Variants in RNF135 observed in about 807,000 individuals in gnomAD.
RNF135 encodes ring finger protein 135, also known as E3 ubiquitin-protein ligase RNF135.
A neutral mutation model predicts 41.9 loss-of-function variants in RNF135; 46 were observed. The ratio of observed to expected loss-of-function variants is 1.10; its 90% CI spans 0.87 to 1.40. RNF135 has a LOEUF of 1.40. Among genes scored for constraint, RNF135 ranks in the 40% most tolerant of loss-of-function variants. The pLI is 0.00. For missense variants in RNF135, 539 were observed against 549.8 expected, an observed-to-expected ratio of 0.98 and a Z score of 0.20; for synonymous variants, 238 against 223.8, an observed-to-expected ratio of 1.06 and a Z score of -0.57.
At chr17:30,970,108 AT>A (rs1363291944), upstream of RNF135, 1 of 151,810 alleles carries the variant, frequency 6.6e-6, no homozygotes, top group Non-Finnish European at 1.5e-5. Context: ...TTGTTAGTTC[AT>A]TTCAACAGAT....
At chr17:30,983,353 A>ATTTTTTTTTTT (rs1192298651) in intron 1 of RNF135, among the ~76,000 whole-genome samples, 4 of 35,746 alleles carry the variant, frequency 1.1e-4, no homozygotes, top group Non-Finnish European at 1.6e-4. Flanking sequence ...ATATATATAT[A>ATTTTTTTTTTT]TTTTTTTTTT....
chr17:30,983,337 ATATATATATATATATATTT>A (rs1213678174), intron 1 of RNF135, among the ~76,000 whole-genome samples: 6 of 25,694 alleles, frequency 2.3e-4, no homozygotes, highest in East Asian at 1.7e-3. Flanking sequence ...ATATATATAT[ATATATATATATATATATTT>A]TTTTTTTTTT....
At position 30,971,665 on chromosome 17, in the gene RNF135, C is replaced by T. The variant is rs1012470090; in HGVS notation, c.372+220C>T. ...TCCCCATCTTCCGAAAGCTTGTCAA[C>T]TTAGCTGTTACACAGCTTGGCATAT... On this transcript the variant is annotated intron_variant, in intron 1 of 4. Transcript: ENST00000328381. The T allele has an allele frequency of 7.4e-6, 10 of 1,349,390 alleles. No homozygotes were observed. The African/African-American group carries it at 9.3e-5, about 13-fold the overall frequency. 83.6% of individuals were successfully genotyped at this position (1,349,390 alleles called of 1,614,324 possible).
At chr17:30,981,306 A>G (rs1171745670) in intron 1 of RNF135, among the ~76,000 whole-genome samples, 1 of 148,720 alleles carries the variant, frequency 6.7e-6, no homozygotes, top group African/African-American at 2.6e-5. Context: ...CCGAGATGGC[A>G]GCAGTACCGT....
rs1388168288 is a variant in RNF135 at position 30,998,904 on chromosome 17, C to T, written c.1012C>T (p.Gln338Ter). 1 of 1,611,886 alleles carries T rather than the reference C, an allele frequency of 6.2e-7. No homozygotes were observed. Among genetic ancestry groups the T allele is most frequent in the Non-Finnish European group, 8.5e-7 (1 of 1,178,456 alleles). The stretch of plus-strand genomic sequence containing the variant: ...GGCTTCCTGGGAGATGAGCCGCGAC[C>T]AGGTCCTGGGAAGGACTATGGACTC... The part of the protein sequence containing the change: ...GVASWEMSRD[Q>*]VLGRTMDSCC... Residue 338 changes from glutamine (Q) to a stop codon, truncating the protein, a stop_gained, in exon 5 of 5, where the codon CAG becomes TAG. Transcript: ENST00000328381. LOFTEE classifies it high-confidence loss of function.
intron 1 of RNF135, among the ~76,000 whole-genome samples, chr17:30,978,312 A>G (rs1906643326): frequency 6.6e-6 from 1 of 152,176 alleles, no homozygotes; most frequent in Non-Finnish European, 1.5e-5. Context: ...TATTTCTTTG[A>G]ATAAACTTTC....
chr17:30,989,700 T>C (rs924582447), intron 3 of RNF135, among the ~76,000 whole-genome samples: 4 of 152,152 alleles, frequency 2.6e-5, no homozygotes, highest in African/African-American at 9.7e-5. Context: ...AATCTTATGC[T>C]ACTTAAAAAA....
chr17:30,981,178 C>A (rs112617379), intron 1 of RNF135, among the ~76,000 whole-genome samples: 1 of 149,826 alleles, frequency 6.7e-6, no homozygotes, highest in Non-Finnish European at 1.5e-5. Flanking sequence ...GCCAACACAG[C>A]GAAACCCCGT....
At chr17:30,964,718 T>C in the RNF135 span, among the ~76,000 whole-genome samples, 1 of 151,006 alleles carries the variant, frequency 6.6e-6, no homozygotes. Flanking sequence ...GGAGTCTTGC[T>C]CTGTTGCCCA....
upstream of RNF135, chr17:30,970,078 ATAAAG>A (rs975682061): frequency 6.6e-6 from 1 of 152,172 alleles, no homozygotes; most frequent in African/African-American, 2.4e-5. Flanking sequence ...GCCAGAAAGG[ATAAAG>A]TAAAGCATGA....
intron 1 of RNF135, among the ~76,000 whole-genome samples, chr17:30,981,071 T>G (rs1420256632): frequency 6.8e-6 from 1 of 146,338 alleles, no homozygotes; most frequent in African/African-American, 2.6e-5. Context: ...CTGGGCACCA[T>G]TGAGCACTGA....
chr17:30,963,073 G>GTGACCAT, the RNF135 span, among the ~76,000 whole-genome samples: 1 of 146,260 alleles, frequency 6.8e-6, no homozygotes, highest in Non-Finnish European at 1.5e-5. Flanking sequence ...CTTTGATGAA[G>GTGACCAT]TGACCATTTG....
At position 30,997,333 on chromosome 17, in the gene RNF135, T is replaced by C; in HGVS notation, c.769+2T>C. On this transcript the variant is annotated splice_donor_variant, in intron 4 of 4. Coordinates refer to ENST00000328381, the MANE Select transcript of RNF135 (RefSeq NM_032322.4). LOFTEE classifies it high-confidence loss of function. Reference sequence around the variant, plus strand: ...GGAGAGCTTCTCGGTTTGCTCAGTGTAAGTATGTGGTCCACTTTAAACATG... The same window carrying C: ...GGAGAGCTTCTCGGTTTGCTCAGTGCAAGTATGTGGTCCACTTTAAACATG... 1 of 1,613,356 alleles carries C rather than the reference T, an allele frequency of 6.2e-7. No individual in the cohort carries two copies. The highest frequency in any genetic ancestry group is 8.5e-7 in the Non-Finnish European group (1 of 1,179,298).
the RNF135 span, among the ~76,000 whole-genome samples, chr17:30,965,895 T>G: frequency 6.6e-6 from 1 of 151,862 alleles, no homozygotes; most frequent in Non-Finnish European, 1.5e-5. Context: ...AAGTCACCAG[T>G]CCTGGTGGCG....
At chr17:30,989,267 C>T (rs1950123594) in intron 3 of RNF135, among the ~76,000 whole-genome samples, 1 of 151,952 alleles carries the variant, frequency 6.6e-6, no homozygotes, top group Admixed American at 6.6e-5. Flanking sequence ...ACTCTGTAGG[C>T]TGAGGCTAGA....
the RNF135 span, among the ~76,000 whole-genome samples, chr17:30,965,732 A>T: frequency 2.0e-5 from 3 of 151,868 alleles, no homozygotes; most frequent in South Asian, 6.3e-4. Context: ...AGTCTCCCCA[A>T]AGGCTGGAGG....
the RNF135 span, among the ~76,000 whole-genome samples, chr17:30,963,849 C>T: frequency 3.9e-5 from 6 of 152,062 alleles, no homozygotes; most frequent in South Asian, 2.1e-4. Context: ...GATGTGATGG[C>T]TCATGTCTAT....
upstream of RNF135, among the ~76,000 whole-genome samples, chr17:30,966,534 G>A (rs1214375649): frequency 6.7e-6 from 1 of 149,860 alleles, no homozygotes; most frequent in Non-Finnish European, 1.5e-5. Flanking sequence ...TCTCGCTGTC[G>A]CCCAGGCTGG....
At chr17:30,984,131 A>G (rs191484749) in intron 1 of RNF135, among the ~76,000 whole-genome samples, 11 of 152,168 alleles carry the variant, frequency 7.2e-5, no homozygotes, top group African/African-American at 2.4e-4. Flanking sequence ...GTGTCTTTTG[A>G]TGCACAAATG....
Sources: allele counts gnomAD v4.1 joint callset (sites outside exome capture counted in the v4.1 genomes callset), GRCh38; gene constraint gnomAD v4.1.1; transcripts MANE v1.5; gene names NCBI Gene and HGNC (gene_info 2026-07-23, HGNC 2026-07-21).